The following OTUD3 variants were observed in gnomAD, a reference collection of about 807,000 sequenced individuals.
OTUD3 encodes OTU domain-containing protein 3.
OTUD3 carries 24 observed loss-of-function variants against 46.2 expected under a neutral mutation model. That is an observed-to-expected ratio of 0.52 (90% CI 0.38 to 0.73). The LOEUF (loss-of-function observed/expected upper bound fraction) is 0.73. Ranked by LOEUF, OTUD3 falls within the 30% of genes least tolerant of loss-of-function variation. The probability of loss-of-function intolerance (pLI) is 0.00; values close to 1 mark genes in which losing one functional copy is unlikely to be tolerated. For missense variants in OTUD3, 455 were observed against 523.3 expected (o/e 0.87, Z 1.27); for synonymous variants, 189 against 195.4 (o/e 0.97, Z 0.27).
chr1:19,897,815 GT>G, intron 4 of OTUD3, 153 bp downstream of exon 4: 1 of 713,652 alleles, frequency 1.4e-6, no homozygotes, highest in Non-Finnish European at 2.2e-6. Flanking sequence ...TTATTTCTTA[GT>G]TTAGGTGAGA....
chr1:19,882,632 G>C lies in OTUD3; in HGVS notation c.119G>C (p.Arg40Pro). Residue 40 changes from arginine (R) to proline (P), a missense_variant, in exon 1 of 8, where the codon CGG (arginine) becomes CCG (proline). Coordinates refer to ENST00000375120, the MANE Select transcript of OTUD3 (RefSeq NM_015207.2). ...RRALAKERRN[R>P]PESGGGGGCE... is the part of the protein sequence containing the mutation. ...GCCCTGGCCAAGGAGCGGCGGAATC[G>C]GCCGGAGTCTGGCGGCGGCGGCGGC... 1 of 1,461,830 alleles carries C rather than the reference G, an allele frequency of 6.8e-7. No homozygotes were observed. Among genetic ancestry groups the C allele is most frequent in the Non-Finnish European group, 9.0e-7 (1 of 1,109,108 alleles). 90.6% of individuals were successfully genotyped at this position (1,461,830 alleles called of 1,614,324 possible). A position where few individuals can be genotyped will look rare whatever the true frequency, so the allele number is the denominator to read the frequency against.
At chr1:19,886,505 C>T (rs1557673108) in intron 1 of OTUD3, among the ~76,000 whole-genome samples, 2 of 152,104 alleles carry the variant, frequency 1.3e-5, no homozygotes, top group African/African-American at 4.8e-5. Flanking sequence ...AGTTGGGTGC[C>T]ATACTAGAAT....
At chr1:19,904,214 G>GA (rs1421636516) in intron 4 of OTUD3, 53 bp from the exon 5 acceptor site, 1 of 1,444,644 alleles carries the variant, frequency 6.9e-7, no homozygotes, top group Non-Finnish European at 9.4e-7. Context: ...TAAAGATTCT[G>GA]AACATAGTTT....
At chr1:19,903,578 T>C (rs1358075615) in intron 4 of OTUD3, among the ~76,000 whole-genome samples, 1 of 152,162 alleles carries the variant, frequency 6.6e-6, no homozygotes, top group Non-Finnish European at 1.5e-5. Context: ...TCTCCCTGCA[T>C]CAATGGGAAG....
At chr1:19,888,582 A>G (rs1053776939) in intron 1 of OTUD3, among the ~76,000 whole-genome samples, 5 of 152,216 alleles carry the variant, frequency 3.3e-5, no homozygotes, top group African/African-American at 1.2e-4. Context: ...AACTATGGCT[A>G]TCATTTTGGT....
intron 4 of OTUD3, among the ~76,000 whole-genome samples, chr1:19,903,250 C>G (rs1276526069): frequency 2.6e-5 from 4 of 151,898 alleles, no homozygotes; most frequent in Admixed American, 6.6e-5. Flanking sequence ...CGGGATGTCA[C>G]TTTGTTGCCC....
At chr1:19,888,310 C>T (rs1055473126) in intron 1 of OTUD3, among the ~76,000 whole-genome samples, 1 of 152,162 alleles carries the variant, frequency 6.6e-6, no homozygotes, top group Non-Finnish European at 1.5e-5. Context: ...GGAAGTGGCC[C>T]AGATCTCCTA....
At chr1:19,887,263 T>C (rs917126365) in intron 1 of OTUD3, among the ~76,000 whole-genome samples, 2 of 152,102 alleles carry the variant, frequency 1.3e-5, no homozygotes, top group Non-Finnish European at 2.9e-5. Context: ...TTTGTATTTT[T>C]AGTAGAGACG....
At chr1:19,907,191 A>G (rs1254202516) in intron 7 of OTUD3, among the ~76,000 whole-genome samples, 2 of 152,194 alleles carry the variant, frequency 1.3e-5, no homozygotes, top group Non-Finnish European at 2.9e-5. Context: ...TGAGCTCAAA[A>G]TGCCACAGTG....
At chr1:19,889,361 A>T (rs923370157) in intron 1 of OTUD3, among the ~76,000 whole-genome samples, 3 of 152,150 alleles carry the variant, frequency 2.0e-5, no homozygotes, top group African/African-American at 7.2e-5. Context: ...TCTGTTGAAA[A>T]TTCACTTTTC....
In OTUD3 at chr1:19,907,749, CTT is replaced by C. The variant is rs761080050; in HGVS notation, c.*5_*6del. On this transcript the variant is annotated 3_prime_UTR_variant, in exon 8 of 8. Coordinates refer to ENST00000375120, the MANE Select transcript of OTUD3 (RefSeq NM_015207.2). ...CCTTCGCCGCTCTCAACATCTGACT[CTT>C]TGGCCTCTTGGGAGTTGTAAGAAGC... The C allele has an allele frequency of 5.7e-5, 92 of 1,613,480 alleles. No homozygotes were observed. In the African/African-American group the frequency reaches 7.9e-4, roughly 14 times the overall value.
At chr1:19,900,756 GT>G (rs2045575530) in intron 4 of OTUD3, among the ~76,000 whole-genome samples, 1 of 151,774 alleles carries the variant, frequency 6.6e-6, no homozygotes, top group Non-Finnish European at 1.5e-5. Flanking sequence ...ATGCCTCATT[GT>G]TTTAGTTGGT....
intron 1 of OTUD3, among the ~76,000 whole-genome samples, chr1:19,885,469 C>A (rs1228326275): frequency 6.6e-6 from 1 of 152,122 alleles, no homozygotes; most frequent in Non-Finnish European, 1.5e-5. Context: ...CTTCTACCCC[C>A]CTCAGACGGA....
intron 4 of OTUD3, among the ~76,000 whole-genome samples, chr1:19,902,170 A>G (rs2045599129): frequency 6.6e-6 from 1 of 152,086 alleles, no homozygotes; most frequent in African/African-American, 2.4e-5. Context: ...CCTCTCTGAC[A>G]AATGTTTTTT....
intron 7 of OTUD3, chr1:19,907,054 G>A (rs901152108): frequency 6.2e-6 from 1 of 162,372 alleles, no homozygotes; most frequent in Admixed American, 5.9e-5. Flanking sequence ...AAAGGCTTTT[G>A]GTAAATTGTC....
chr1:19,890,602 T>C, intron 2 of OTUD3, 69 bp downstream of exon 2: 1 of 1,331,312 alleles, frequency 7.5e-7, no homozygotes. Flanking sequence ...ACTGGCATCC[T>C]CCCCCCTCCC....
intron 3 of OTUD3, among the ~76,000 whole-genome samples, chr1:19,896,379 ATATATTAT>A (rs1056848156): frequency 6.6e-6 from 1 of 151,628 alleles, no homozygotes; most frequent in Admixed American, 6.6e-5. Context: ...TAATATATAT[ATATATTAT>A]TATTATTAGG....
chr1:19,899,814 A>G (rs1410315188), intron 4 of OTUD3, among the ~76,000 whole-genome samples: 5 of 152,178 alleles, frequency 3.3e-5, no homozygotes, highest in African/African-American at 1.2e-4. Context: ...TACTTAACCT[A>G]GTTTTAATTT....
chr1:19,899,537 G>A (rs2045560077), intron 4 of OTUD3, among the ~76,000 whole-genome samples: 1 of 152,210 alleles, frequency 6.6e-6, no homozygotes, highest in African/African-American at 2.4e-5. Flanking sequence ...TGGACTTTTA[G>A]GTGGTTTCTA....
Sources: allele counts gnomAD v4.1 joint callset (sites outside exome capture counted in the v4.1 genomes callset), GRCh38; gene constraint gnomAD v4.1.1; transcripts MANE v1.5; gene names NCBI Gene and HGNC (gene_info 2026-07-23, HGNC 2026-07-21).